Variants in ROBO2 observed in about 807,000 individuals in gnomAD.
ROBO2 encodes the protein roundabout homolog 2.
ROBO2 carries 53 observed loss-of-function variants against 160.8 expected under a neutral mutation model. That is an observed-to-expected ratio of 0.33 (90% confidence interval 0.26 to 0.41). The LOEUF (loss-of-function observed/expected upper bound fraction) is 0.41, where lower values mean the gene tolerates loss of function less well. Among genes scored for constraint, ROBO2 ranks in the 10% least tolerant of loss-of-function variants. The probability of loss-of-function intolerance (pLI) is 1.00; values close to 1 mark genes in which losing one functional copy is unlikely to be tolerated. For missense variants in ROBO2, 1,577 were observed against 1,722.4 expected, an observed-to-expected ratio of 0.92 and a Z score of 1.49; for synonymous variants, 664 against 611.7, an observed-to-expected ratio of 1.09 and a Z score of -1.26.
At chr3:76,204,939 T>C (rs917946457) in intron 2 of ROBO2, among the ~76,000 whole-genome samples, 5 of 152,184 alleles carry the variant, frequency 3.3e-5, no homozygotes, top group African/African-American at 1.2e-4. Context: ...ATAAATTTCA[T>C]TGGAAATTCA....
intron 2 of ROBO2, among the ~76,000 whole-genome samples, chr3:76,652,757 T>TG (rs1427176868): frequency 2.0e-5 from 3 of 151,048 alleles, no homozygotes; most frequent in Non-Finnish European, 4.4e-5. Context: ...ATGGTTTTGG[T>TG]GGAAAAAAAA....
chr3:76,570,675 T>C (rs1050889246), intron 2 of ROBO2, among the ~76,000 whole-genome samples: 1 of 152,148 alleles, frequency 6.6e-6, no homozygotes, highest in Non-Finnish European at 1.5e-5. Context: ...ACATGCTCAT[T>C]GAAATTTAAG....
At chr3:77,244,853 G>A (rs1383409040) in intron 2 of ROBO2, among the ~76,000 whole-genome samples, 1 of 149,522 alleles carries the variant, frequency 6.7e-6, no homozygotes, top group African/African-American at 2.5e-5. Flanking sequence ...ACTCCAGCCT[G>A]GGTGACAGAG....
intron 2 of ROBO2, among the ~76,000 whole-genome samples, chr3:77,325,745 A>G (rs976223457): frequency 3.3e-5 from 5 of 151,428 alleles, no homozygotes; most frequent in African/African-American, 1.2e-4. Context: ...ATGAACTGTA[A>G]CTATCTATTA....
chr3:77,411,290 A>G (rs2076780268), intron 2 of ROBO2, among the ~76,000 whole-genome samples: 1 of 152,184 alleles, frequency 6.6e-6, no homozygotes, highest in Non-Finnish European at 1.5e-5. Context: ...GCATAAATTA[A>G]TGAAACCTTT....
intron 1 of ROBO2, among the ~76,000 whole-genome samples, chr3:75,921,838 C>T (rs1215817870): frequency 6.6e-6 from 1 of 152,066 alleles, no homozygotes; most frequent in Non-Finnish European, 1.5e-5. Flanking sequence ...GAAATATAAT[C>T]GTAAGCAAAA....
intron 2 of ROBO2, among the ~76,000 whole-genome samples, chr3:76,011,258 C>A (rs553817425): frequency 5.9e-5 from 9 of 152,258 alleles, no homozygotes; most frequent in African/African-American, 2.2e-4. Context: ...CCCGCGATCA[C>A]TTCAAGGTGG....
At chr3:76,789,823 A>C (rs2063234628) in intron 2 of ROBO2, among the ~76,000 whole-genome samples, 1 of 151,612 alleles carries the variant, frequency 6.6e-6, no homozygotes, top group South Asian at 2.1e-4. Context: ...AAGGGCTCAC[A>C]CACAAAAATT....
intron 2 of ROBO2, among the ~76,000 whole-genome samples, chr3:76,142,963 A>AAAAT (rs2071735933): frequency 6.6e-6 from 1 of 151,908 alleles, no homozygotes; most frequent in African/African-American, 2.4e-5. Flanking sequence ...AATAAAAATA[A>AAAAT]ATAGTGGTTG....
intron 2 of ROBO2, among the ~76,000 whole-genome samples, chr3:76,883,528 G>T (rs2073570529): frequency 6.6e-6 from 1 of 152,082 alleles, no homozygotes; most frequent in African/African-American, 2.4e-5. Flanking sequence ...TCATTTTCTG[G>T]TTTTTATCCT....
chr3:77,085,435 T>G (rs1337792535), intron 1 of ROBO2, among the ~76,000 whole-genome samples: 1 of 152,098 alleles, frequency 6.6e-6, no homozygotes, highest in Non-Finnish European at 1.5e-5. Flanking sequence ...ATCTAAGGTG[T>G]TTTTGGTGGA....
At chr3:77,124,998 A>T (rs1212850410) in intron 2 of ROBO2, among the ~76,000 whole-genome samples, 1 of 151,972 alleles carries the variant, frequency 6.6e-6, no homozygotes, top group African/African-American at 2.4e-5. Context: ...ACTTAACTCT[A>T]ATATGATATG....
chr3:76,080,514 G>T (rs1360169878), intron 2 of ROBO2, among the ~76,000 whole-genome samples: 2 of 152,102 alleles, frequency 1.3e-5, no homozygotes, highest in Non-Finnish European at 2.9e-5. Context: ...ACTAATTTCT[G>T]CCATTGTGAA....
chr3:77,221,546 C>G (rs1034219644), intron 2 of ROBO2, among the ~76,000 whole-genome samples: 2 of 152,120 alleles, frequency 1.3e-5, no homozygotes, highest in African/African-American at 4.8e-5. Flanking sequence ...CCCCTCTTCT[C>G]TCTCTCTCTG....
At chr3:76,466,224 A>G (rs921911308) in intron 2 of ROBO2, among the ~76,000 whole-genome samples, 1 of 151,834 alleles carries the variant, frequency 6.6e-6, no homozygotes, top group African/African-American at 2.4e-5. Context: ...GTAGAAAAAT[A>G]TATTCTGAAT....
intron 2 of ROBO2, among the ~76,000 whole-genome samples, chr3:77,426,403 T>TA (rs1384448847): frequency 6.6e-6 from 1 of 152,074 alleles, no homozygotes; most frequent in Non-Finnish European, 1.5e-5. Flanking sequence ...GAATTGGAGA[T>TA]ACCTGATTGT....
At chr3:76,715,155 ATAAT>A (rs983092453) in intron 2 of ROBO2, among the ~76,000 whole-genome samples, 1 of 152,118 alleles carries the variant, frequency 6.6e-6, no homozygotes, top group African/African-American at 2.4e-5. Context: ...CATCTCGTAA[ATAAT>A]TAGAGACCCA....
chr3:77,577,363 C>T (rs2093795941), intron 14 of ROBO2, 127 bp from the exon 16 acceptor site: 11 of 1,088,080 alleles, frequency 1.0e-5, no homozygotes, highest in Admixed American at 1.8e-5. Flanking sequence ...TGTTGAACAC[C>T]GTGTGCATTC....
Position 77,477,469 on chromosome 3 carries a change from G to A in ROBO2, c.444G>A (p.Glu148=), listed in dbSNP as rs1582292285. 6 of 1,613,908 alleles carry A rather than the reference G, an allele frequency of 3.7e-6. No homozygotes were observed. In the East Asian group the frequency reaches 1.3e-4, roughly 36 times the overall value. The change falls in exon 3 of 26, where the codon GAG becomes GAA. Residue 148 remains glutamate (E), a synonymous_variant. Transcript: ENST00000461745. Reference sequence around the variant, plus strand: ...CAGATGTTGTAGTGGCAGCTGGAGAGCCTGCAATCCTGGAGTGCCAGCCTC... The same window carrying A: ...CAGATGTTGTAGTGGCAGCTGGAGAACCTGCAATCCTGGAGTGCCAGCCTC...
Sources: allele counts gnomAD v4.1 joint callset (sites outside exome capture counted in the v4.1 genomes callset), GRCh38; gene constraint gnomAD v4.1.1; transcripts MANE v1.5; gene names NCBI Gene and HGNC (gene_info 2026-07-23, HGNC 2026-07-21).